MBIP: variants seen among roughly 807,000 people sequenced by gnomAD.
The protein encoded by MBIP is MAP3K12 binding inhibitory protein 1, also known as MAP3K12-binding inhibitory protein 1.
A neutral mutation model predicts 45.7 loss-of-function variants in MBIP; 32 were observed. The observed-to-expected ratio is 0.70, with a 90% confidence interval of 0.53 to 0.94. The LOEUF is 0.94. MBIP is among the 40% of genes least tolerant of loss of function. The pLI is 0.00. For missense variants in MBIP, 381 were observed against 405.5 expected (o/e 0.94, Z 0.52); for synonymous variants, 145 against 141.0 (o/e 1.03, Z -0.20).
In MBIP at chr14:36,308,200, T is replaced by C; in HGVS notation, c.791-11A>G. On this transcript the variant is annotated splice_polypyrimidine_tract_variant and intron_variant, in intron 6 of 8. Transcript: ENST00000416007. ...TTGGCACTGGACCACCTAAATACAT[T>C]AAAAAAAAATCTGAGATACTATTGA... 5 of 1,337,518 alleles carry C rather than the reference T, an allele frequency of 3.7e-6. No individual in the cohort carries two copies. In the South Asian group the frequency reaches 5.2e-5, roughly 14 times the overall value. 82.9% of individuals were successfully genotyped at this position (1,337,518 alleles called of 1,614,324 possible).
chr14:36,307,294 A>G (rs1385313482), intron 7 of MBIP, among the ~76,000 whole-genome samples: 3 of 152,200 alleles, frequency 2.0e-5, no homozygotes, highest in Non-Finnish European at 4.4e-5. Flanking sequence ...TATTTTCACC[A>G]CTAACTTATA....
At position 36,320,580 on chromosome 14, in the gene MBIP, A is replaced by G. The variant is rs545334792; in HGVS notation, c.9T>C (p.Ala3=). Residue 3 remains alanine (A), a synonymous_variant, in exon 1 of 9, where the codon GCT becomes GCC. Coordinates refer to ENST00000416007, the MANE Select transcript of MBIP (RefSeq NM_016586.3). MA[A]ATELNRPSSG... is the part of the protein sequence containing the mutation. ...TGCTCGGGCGATTAAGCTCCGTGGC[A>G]GCAGCCATGATATCTTCTCAGGCCG... The G allele has an allele frequency of 2.5e-6, 4 of 1,608,950 alleles. No individual in the cohort carries two copies. In the Admixed American group the frequency reaches 5.0e-5, roughly 20 times the overall value.
At chr14:36,310,024 T>A (rs1880108538) in intron 6 of MBIP, among the ~76,000 whole-genome samples, 1 of 152,222 alleles carries the variant, frequency 6.6e-6, no homozygotes, top group African/African-American at 2.4e-5. Flanking sequence ...TATGATTATA[T>A]CATCTCAGTA....
chr14:36,315,037 A>C, intron 2 of MBIP, 122 bp from the exon 3 acceptor site: 1 of 648,288 alleles, frequency 1.5e-6, no homozygotes, highest in Non-Finnish European at 2.7e-6. Flanking sequence ...AATAAATATA[A>C]AAAGTTGGTA....
intron 7 of MBIP, among the ~76,000 whole-genome samples, chr14:36,303,810 C>A (rs755800406): frequency 2.0e-5 from 3 of 152,166 alleles, no homozygotes; most frequent in Non-Finnish European, 2.9e-5. Flanking sequence ...TGATTCTATG[C>A]GTGCAGTATC....
chr14:36,313,097 T>C (rs1880305072), intron 4 of MBIP, among the ~76,000 whole-genome samples: 1 of 151,802 alleles, frequency 6.6e-6, no homozygotes. Flanking sequence ...AAATTCCAAA[T>C]CCACTTAGCT....
At chr14:36,310,278 A>G (rs539004341) in intron 6 of MBIP, among the ~76,000 whole-genome samples, 1 of 152,318 alleles carries the variant, frequency 6.6e-6, no homozygotes, top group South Asian at 2.1e-4. Context: ...AGCTTCAGAT[A>G]GCTAGTATAC....
intron 7 of MBIP, among the ~76,000 whole-genome samples, chr14:36,307,237 C>G (rs1182612233): frequency 6.6e-6 from 1 of 152,136 alleles, no homozygotes; most frequent in African/African-American, 2.4e-5. Context: ...TATACTCAAT[C>G]TATAACTTTG....
In MBIP at chr14:36,320,575, G is replaced by C. The variant is rs200960426; in HGVS notation, c.14C>G (p.Thr5Arg). 8.2e-4 allele frequency: 1,322 copies of C among 1,610,108 alleles called. 18 individuals carry two copies. In the South Asian group the frequency reaches 0.014, roughly 17 times the overall value. The change falls in exon 1 of 9, where the codon ACG becomes AGG. Residue 5 changes from threonine (T) to arginine (R), a missense_variant. By Grantham distance (71) the Thr-to-Arg change is moderately conservative. Coordinates refer to ENST00000416007, the MANE Select transcript of MBIP (RefSeq NM_016586.3). MAAA[T>R]ELNRPSSGDR... ...ACCGCTGCTCGGGCGATTAAGCTCC[G>C]TGGCAGCAGCCATGATATCTTCTCA...
chr14:36,304,833 G>T (rs879419194), intron 7 of MBIP, among the ~76,000 whole-genome samples: 5 of 152,084 alleles, frequency 3.3e-5, no homozygotes, highest in Admixed American at 3.3e-4. Context: ...ACGCTTCAAT[G>T]TTACCCATGA....
Position 36,316,684 on chromosome 14 carries a change from GAAATTTACCTGTA to G in MBIP, c.245_249+8del. 1 of 1,591,312 alleles carries G rather than the reference GAAATTTACCTGTA, an allele frequency of 6.3e-7. No individual in the cohort carries two copies. Among genetic ancestry groups the G allele is most frequent in the Non-Finnish European group, 8.5e-7 (1 of 1,171,676 alleles). ...AATATCGGGTTATCATTTCTAACAAGAAATTTACCTGTAAATATAAAATGTGTTGTTCAAGTGC... is the reference window on the plus strand; with the variant it reads ...AATATCGGGTTATCATTTCTAACAAGAATATAAAATGTGTTGTTCAAGTGC... On this transcript the variant is annotated splice_donor_variant and splice_donor_5th_base_variant and coding_sequence_variant and intron_variant, in exon 2 of 9. Coordinates refer to ENST00000416007, the MANE Select transcript of MBIP (RefSeq NM_016586.3). LOFTEE classifies it high-confidence loss of function.
intron 8 of MBIP, among the ~76,000 whole-genome samples, chr14:36,299,693 G>C (rs1040470342): frequency 3.3e-5 from 5 of 151,964 alleles, no homozygotes; most frequent in Non-Finnish European, 7.4e-5. Flanking sequence ...CTACTACCAG[G>C]AGAAAAAAAT....
In MBIP at chr14:36,304,236, ACT is replaced by A. The variant is rs543941892; in HGVS notation, c.889-3415_889-3414del. ...GAGTTACTGTTACAGACTAAAAATT[ACT>A]CTCAGTCAGTGCTTTGAACAAAGTT... On this transcript the variant is annotated intron_variant, in intron 7 of 8. Coordinates refer to ENST00000416007, the MANE Select transcript of MBIP (RefSeq NM_016586.3). Among the ~76,000 whole-genome samples, 30 of 152,238 alleles carry A rather than the reference ACT, an allele frequency of 2.0e-4. No homozygotes were observed. The East Asian group carries it at 5.4e-3, about 27-fold the overall frequency.
chr14:36,307,417 C>A (rs1453674750), intron 7 of MBIP, among the ~76,000 whole-genome samples: 2 of 150,302 alleles, frequency 1.3e-5, no homozygotes, highest in Non-Finnish European at 3.0e-5. Flanking sequence ...AAAAAAAAAA[C>A]AAAACTTAGA....
At chr14:36,300,279 GA>G (rs1879461605) in intron 8 of MBIP, among the ~76,000 whole-genome samples, 1 of 151,930 alleles carries the variant, frequency 6.6e-6, no homozygotes, top group South Asian at 2.1e-4. Context: ...AATTTTACAA[GA>G]AAAAAATATG....
intron 1 of MBIP, 38 bp from the exon 2 acceptor site, chr14:36,316,850 A>T: frequency 6.3e-7 from 1 of 1,582,786 alleles, no homozygotes; most frequent in Non-Finnish European, 8.6e-7. Flanking sequence ...CAAAAATTAC[A>T]CGATTAAGCT....
chr14:36,303,665 G>A (rs867837523), intron 7 of MBIP, among the ~76,000 whole-genome samples: 10 of 152,148 alleles, frequency 6.6e-5, no homozygotes, highest in African/African-American at 1.9e-4. Flanking sequence ...CTTATGCAGA[G>A]CATGACTGTC....
chr14:36,301,285 C>T, intron 7 of MBIP, among the ~76,000 whole-genome samples: 1 of 152,274 alleles, frequency 6.6e-6, no homozygotes, highest in Non-Finnish European at 1.5e-5. Flanking sequence ...ATAGTAGACA[C>T]TGTGGTTGTT....
chr14:36,319,628 T>C, intron 1 of MBIP: 1 of 423,810 alleles, frequency 2.4e-6, no homozygotes, highest in South Asian at 1.7e-5. Context: ...CTTGCGCTAG[T>C]ACCAGCCCCA....
Sources: gnomAD v4.1 joint callset for allele counts (sites outside exome capture counted in the v4.1 genomes callset) on GRCh38, gnomAD v4.1.1 for gene constraint, MANE v1.5 for transcripts, NCBI Gene and HGNC (gene_info 2026-07-23, HGNC 2026-07-21) for gene names.